The following CTIF variants were observed in gnomAD, a reference collection of about 807,000 sequenced individuals.
The protein encoded by CTIF is CBP80/20-dependent translation initiation factor.
Under a neutral mutation model 66.0 loss-of-function variants are expected in CTIF, and 21 were observed. The observed-to-expected ratio is 0.32, with a 90% CI of 0.23 to 0.46. The LOEUF (loss-of-function observed/expected upper bound fraction) is 0.46. Among genes scored for constraint, CTIF ranks in the 20% least tolerant of loss-of-function variants. The pLI, the probability that CTIF is intolerant of heterozygous loss-of-function variation, is 1.00. For synonymous variants in CTIF, 345 were observed against 326.4 expected, an observed-to-expected ratio of 1.06 and a Z score of -0.62; for missense variants, 739 against 812.7, an observed-to-expected ratio of 0.91 and a Z score of 1.10.
chr18:48,647,645 G>A (rs757505927), intron 3 of CTIF, among the ~76,000 whole-genome samples: 10 of 152,348 alleles, frequency 6.6e-5, no homozygotes, highest in African/African-American at 2.2e-4. Flanking sequence ...AAAGTAATTT[G>A]TAAAAAGTAT....
intron 10 of CTIF, among the ~76,000 whole-genome samples, 174 bp from the exon 11 acceptor site, chr18:48,857,414 T>C (rs937023): frequency 0.34 from 52,237 of 152,130 alleles, 9,803 homozygotes; most frequent in African/African-American, 0.49. Flanking sequence ...CCGGCGCAAC[T>C]GACTTTCTGC....
intron 7 of CTIF, among the ~76,000 whole-genome samples, chr18:48,716,768 G>A (rs2092286018): frequency 6.6e-6 from 1 of 152,328 alleles, no homozygotes; most frequent in Middle Eastern, 3.4e-3. Flanking sequence ...GGCTAATGTA[G>A]GCATTAGTGG....
intron 1 of CTIF, among the ~76,000 whole-genome samples, chr18:48,582,478 T>C (rs183309004): frequency 2.0e-5 from 3 of 152,216 alleles, no homozygotes; most frequent in Admixed American, 2.0e-4. Context: ...GAGGGCGTCT[T>C]TGTTGCCTGC....
chr18:48,660,344 T>C (rs299752), intron 3 of CTIF, among the ~76,000 whole-genome samples: 119,345 of 152,026 alleles, frequency 0.79, 48,404 homozygotes, highest in East Asian at 0.91. Flanking sequence ...TGGGCCATGG[T>C]CCCTCTCCCC....
At chr18:48,628,791 A>T (rs1018227834) in intron 2 of CTIF, among the ~76,000 whole-genome samples, 3 of 152,184 alleles carry the variant, frequency 2.0e-5, no homozygotes, top group Non-Finnish European at 4.4e-5. Flanking sequence ...TCCTTAAAAG[A>T]TGGGAGCAAA....
intron 2 of CTIF, 54 bp from the exon 3 acceptor site, chr18:48,636,560 T>G: frequency 2.5e-5 from 33 of 1,330,004 alleles, no homozygotes; most frequent in Non-Finnish European, 2.9e-5. Context: ...CCTGGCAGAG[T>G]GAGCATGGGC....
rs534858046 is a variant in CTIF, at chr18:48,721,374, T to C, written c.584+9679T>C. On this transcript the variant is annotated intron_variant, in intron 7 of 11. Coordinates refer to ENST00000256413, the MANE Select transcript of CTIF (RefSeq NM_014772.3). ...TGGGAACCAGCCACCCAAGCTGGTT[T>C]CATTCCTCCTCAGAGGTCTAGTCTC... is the stretch of plus-strand genomic sequence containing the variant. 3.3e-5 allele frequency among the ~76,000 whole-genome samples: 5 copies of C among 152,326 alleles called. 1 individual carries two copies. The highest frequency in any genetic ancestry group is 3.3e-4 in the Admixed American group (5 of 15,300).
At chr18:48,610,990 T>C (rs771380054) in intron 1 of CTIF, among the ~76,000 whole-genome samples, 1 of 151,972 alleles carries the variant, frequency 6.6e-6, no homozygotes, top group Non-Finnish European at 1.5e-5. Context: ...AGCTTAGGAG[T>C]CACTAAGGGA....
In CTIF at chr18:48,572,073, G is replaced by A. The variant is rs571359192; in HGVS notation, c.-29+32761G>A. Among the ~76,000 whole-genome samples the A allele has an allele frequency of 6.8e-4, 100 of 147,538 alleles. 1 individual carries two copies. In the South Asian group the frequency reaches 6.9e-3, roughly 10 times the overall value. On this transcript the variant is annotated intron_variant, in intron 1 of 11. Transcript: ENST00000256413. Reference sequence around the variant, plus strand: ...TTTCTCCTTCTCCTTCCCCCTCACCGTTCCTCCTCCTCCTCCTCCTCCTTC... The same window carrying A: ...TTTCTCCTTCTCCTTCCCCCTCACCATTCCTCCTCCTCCTCCTCCTCCTTC...
At chr18:48,827,521 C>T (rs1044265786) in intron 10 of CTIF, among the ~76,000 whole-genome samples, 3 of 152,176 alleles carry the variant, frequency 2.0e-5, no homozygotes, top group Admixed American at 2.0e-4. Flanking sequence ...TAAATTTGTT[C>T]TGACTGTAAC....
At chr18:48,694,397 G>A (rs1301082120) in intron 6 of CTIF, among the ~76,000 whole-genome samples, 1 of 152,218 alleles carries the variant, frequency 6.6e-6, no homozygotes, top group Admixed American at 6.5e-5. Flanking sequence ...CCCTGGCAGT[G>A]GAGGATGGCC....
intron 10 of CTIF, among the ~76,000 whole-genome samples, chr18:48,841,524 C>T (rs944399688): frequency 1.3e-5 from 2 of 152,218 alleles, no homozygotes; most frequent in African/African-American, 2.4e-5. Flanking sequence ...AAGCCAGGCC[C>T]GGCGTTCTGA....
chr18:48,583,222 C>T (rs368434562), intron 1 of CTIF, among the ~76,000 whole-genome samples: 39 of 152,138 alleles, frequency 2.6e-4, no homozygotes, highest in African/African-American at 9.4e-4. Context: ...CTGGGTGGGG[C>T]CAACAGTGCT....
intron 1 of CTIF, among the ~76,000 whole-genome samples, chr18:48,587,288 G>A (rs2143907203): frequency 6.6e-6 from 1 of 152,086 alleles, no homozygotes; most frequent in Admixed American, 6.6e-5. Context: ...CACTATGTTG[G>A]CCAGGCTGGT....
Position 48,811,059 on chromosome 18 carries a change from G to A in CTIF, c.1372-6162G>A, listed in dbSNP as rs191559340. Among the ~76,000 whole-genome samples, 9 of 152,026 alleles carry A rather than the reference G, an allele frequency of 5.9e-5. No homozygotes were observed. The East Asian group carries it at 1.7e-3, about 29-fold the overall frequency. On this transcript the variant is annotated intron_variant, in intron 9 of 11. Coordinates refer to ENST00000256413, the MANE Select transcript of CTIF (RefSeq NM_014772.3). ...ATGCAATAACCTGTGAATCCTTATG[G>A]CCTAAATTAGGAAATGTTGTGTGCT...
intron 3 of CTIF, among the ~76,000 whole-genome samples, chr18:48,659,784 C>G (rs1202039669): frequency 6.6e-6 from 1 of 152,228 alleles, no homozygotes; most frequent in African/African-American, 2.4e-5. Flanking sequence ...CCGAGTTTTC[C>G]AGCCTGGGGA....
At position 48,803,137 on chromosome 18, in the gene CTIF, C is replaced by T. The variant is rs975754259; in HGVS notation, c.1372-14084C>T. Among the ~76,000 whole-genome samples, 7 of 152,376 alleles carry T rather than the reference C, an allele frequency of 4.6e-5. No individual in the cohort carries two copies. In the East Asian group the frequency reaches 1.2e-3, roughly 25 times the overall value. On this transcript the variant is annotated intron_variant, in intron 9 of 11. Transcript: ENST00000256413. ...ATCAGCAGAGCTGAGCCTACCTGACCTGATTTTGCCAATAGAAATATGCTG... is the reference window on the plus strand; with the variant it reads ...ATCAGCAGAGCTGAGCCTACCTGACTTGATTTTGCCAATAGAAATATGCTG...
At chr18:48,631,500 C>T (rs1044856477) in intron 2 of CTIF, among the ~76,000 whole-genome samples, 1 of 150,926 alleles carries the variant, frequency 6.6e-6, no homozygotes, top group Non-Finnish European at 1.5e-5. Flanking sequence ...CACTCTTCAT[C>T]CTGGGATGTA....
chr18:48,748,686 A>G (rs1234659404), intron 7 of CTIF, among the ~76,000 whole-genome samples: 4 of 152,240 alleles, frequency 2.6e-5, no homozygotes. Flanking sequence ...AAGGGTGTCC[A>G]GCTTTCAAGT....
Sources: allele counts gnomAD v4.1 joint callset (sites outside exome capture counted in the v4.1 genomes callset), GRCh38; gene constraint gnomAD v4.1.1; transcripts MANE v1.5; gene names NCBI Gene and HGNC (gene_info 2026-07-23, HGNC 2026-07-21).